MICALL1: variants seen among roughly 807,000 people sequenced by gnomAD.
MICALL1 encodes MICAL like 1.
A neutral mutation model predicts 83.7 loss-of-function variants in MICALL1; 61 were observed. That is an observed-to-expected ratio of 0.73 (90% CI 0.59 to 0.90). The LOEUF (loss-of-function observed/expected upper bound fraction) is 0.90, where lower values mean the gene tolerates loss of function less well. MICALL1 is among the 40% of genes least tolerant of loss of function. The probability of loss-of-function intolerance (pLI) is 0.00; values close to 1 mark genes in which losing one functional copy is unlikely to be tolerated. For synonymous variants in MICALL1, 481 were observed against 473.6 expected, an observed-to-expected ratio of 1.02 and a Z score of -0.20; for missense variants, 1,066 against 1,152.0, an observed-to-expected ratio of 0.93 and a Z score of 1.08.
chr22:37,913,120 A>G (rs1192058648), intron 3 of MICALL1, among the ~76,000 whole-genome samples: 3 of 150,082 alleles, frequency 2.0e-5, no homozygotes, highest in Non-Finnish European at 4.4e-5. Context: ...CCACCACTAC[A>G]CCTGGCTAAT....
At chr22:37,928,529 C>T (rs1929617553) in intron 9 of MICALL1, among the ~76,000 whole-genome samples, 2 of 152,228 alleles carry the variant, frequency 1.3e-5, no homozygotes, top group East Asian at 1.9e-4. Context: ...TCTATCTTTA[C>T]TGGCCTCTGA....
chr22:37,910,978 G>T (rs1006280972), intron 1 of MICALL1, among the ~76,000 whole-genome samples: 2 of 152,236 alleles, frequency 1.3e-5, no homozygotes, highest in African/African-American at 4.8e-5. Flanking sequence ...AGTCAGGGCT[G>T]CAGTTTTCAG....
intron 6 of MICALL1, among the ~76,000 whole-genome samples, chr22:37,923,579 GC>G (rs1162666487): frequency 6.6e-6 from 1 of 152,210 alleles, no homozygotes; most frequent in Admixed American, 6.5e-5. Context: ...TGCAGCCTCT[GC>G]CGTGCTCTGT....
Position 37,936,072 on chromosome 22 carries a change from T to C in MICALL1, c.2309-1008T>C, listed in dbSNP as rs1002611650. Among the ~76,000 whole-genome samples, 3 of 152,140 alleles carry C rather than the reference T, an allele frequency of 2.0e-5. No homozygotes were observed. In the South Asian group the frequency reaches 6.2e-4, roughly 32 times the overall value. Reference sequence around the variant, plus strand: ...CCAGGGAAGCCTGTGGCGGTAGATGTTGTGGAGGGAAGGCCAAGTGTGGGC... The same window carrying C: ...CCAGGGAAGCCTGTGGCGGTAGATGCTGTGGAGGGAAGGCCAAGTGTGGGC... On this transcript the variant is annotated intron_variant, in intron 13 of 15. Coordinates refer to ENST00000215957, the MANE Select transcript of MICALL1 (RefSeq NM_033386.4).
chr22:37,927,061 C>G (rs1204174751), intron 8 of MICALL1: 7 of 318,114 alleles, frequency 2.2e-5, no homozygotes, highest in Non-Finnish European at 4.1e-5. Context: ...TGCTCCTCCC[C>G]TCTGCCTCCG....
intron 1 of MICALL1, among the ~76,000 whole-genome samples, chr22:37,907,886 G>C (rs1305573478): frequency 6.6e-6 from 1 of 152,228 alleles, no homozygotes; most frequent in African/African-American, 2.4e-5. Flanking sequence ...TTGATGCCTG[G>C]TTGCCCAGGA....
chr22:37,940,493 T>A (rs1052027374), intron 15 of MICALL1, among the ~76,000 whole-genome samples: 1 of 151,856 alleles, frequency 6.6e-6, no homozygotes. Context: ...CCCCAAACAC[T>A]GGAGGTGGGG....
rs1242888003 is a variant in MICALL1, at chr22:37,932,074, G to A, written c.2016+141G>A. ...GATGCTCAAGAGAGCACTCTTGGCG[G>A]CCCAACTGGAAGGTCTAGCTTGCAG... On this transcript the variant is annotated intron_variant, in intron 10 of 15. Transcript: ENST00000215957. The surrounding 1 kb of genome is among the most constrained non-coding windows in gnomAD (Gnocchi z 4.4). 1.2e-5 allele frequency: 15 copies of A among 1,284,194 alleles called. No homozygotes were observed. The highest frequency in any genetic ancestry group is 1.5e-5 in the African/African-American group (1 of 66,778). 79.5% of individuals were successfully genotyped at this position (1,284,194 alleles called of 1,614,324 possible).
At chr22:37,919,714 A>G (rs1048109994) in intron 5 of MICALL1, among the ~76,000 whole-genome samples, 59 of 150,192 alleles carry the variant, frequency 3.9e-4, no homozygotes, top group Non-Finnish European at 1.6e-4. Flanking sequence ...TTGGCCGGGT[A>G]TGGTGGCTCA....
At chr22:37,940,379 C>T (rs917728733) in intron 15 of MICALL1, among the ~76,000 whole-genome samples, 8 of 151,910 alleles carry the variant, frequency 5.3e-5, no homozygotes, top group South Asian at 2.1e-4. Flanking sequence ...GCCAAGATCG[C>T]GTCATTGCAC....
At chr22:37,912,238 C>A in intron 2 of MICALL1, 113 bp from the exon 3 acceptor site, 1 of 1,342,430 alleles carries the variant, frequency 7.4e-7, no homozygotes, top group Non-Finnish European at 1.0e-6. Context: ...GGGGAGCCCA[C>A]AGTCACCCCA....
intron 15 of MICALL1, among the ~76,000 whole-genome samples, chr22:37,939,557 C>T (rs780774629): frequency 2.0e-5 from 3 of 151,520 alleles, no homozygotes; most frequent in East Asian, 2.0e-4. Context: ...CGGCAGATCA[C>T]GAGGTCAGGT....
chr22:37,912,657 GA>G (rs946422544), intron 3 of MICALL1, among the ~76,000 whole-genome samples, 165 bp downstream of exon 3: 4 of 147,654 alleles, frequency 2.7e-5, no homozygotes, highest in African/African-American at 1.0e-4. Flanking sequence ...TTTTTTTTTT[GA>G]GACAGAGTTT....
intron 5 of MICALL1, among the ~76,000 whole-genome samples, chr22:37,921,378 G>A (rs1929019921): frequency 6.6e-6 from 1 of 152,054 alleles, no homozygotes; most frequent in South Asian, 2.1e-4. Flanking sequence ...GACCAGCCTG[G>A]CCGACTTGGT....
At chr22:37,931,691 C>A in intron 9 of MICALL1, 108 bp from the exon 10 acceptor site, 1 of 1,347,082 alleles carries the variant, frequency 7.4e-7, no homozygotes, top group Non-Finnish European at 1.0e-6. Flanking sequence ...CTGGGTCCTG[C>A]TGGCCCTGGA....
intron 1 of MICALL1, among the ~76,000 whole-genome samples, chr22:37,911,348 C>T (rs899521604): frequency 4.6e-5 from 7 of 152,270 alleles, no homozygotes; most frequent in South Asian, 2.1e-4. Flanking sequence ...CAGGCTGGAC[C>T]GGGTTGGGAT....
At chr22:37,939,330 T>G (rs1370868164) in intron 15 of MICALL1, among the ~76,000 whole-genome samples, 1 of 152,182 alleles carries the variant, frequency 6.6e-6, no homozygotes, top group African/African-American at 2.4e-5. Flanking sequence ...AAGGGCTCAG[T>G]TGGTATTAGT....
Position 37,906,655 on chromosome 22 carries a change from C to T in MICALL1, c.146+87C>T, listed in dbSNP as rs1259121317. ...CCCCCTCAGTAACACGAAGCCCGGG[C>T]GGTGACAGGCGCCGCCCCCGGACAC... On this transcript the variant is annotated intron_variant, in intron 1 of 15. Coordinates refer to ENST00000215957, the MANE Select transcript of MICALL1 (RefSeq NM_033386.4). The surrounding 1 kb of genome is among the most constrained non-coding windows in gnomAD (Gnocchi z 4.4). The T allele has an allele frequency of 3.6e-6, 4 of 1,096,862 alleles. No individual in the cohort carries two copies. The highest frequency in any genetic ancestry group is 5.0e-5 in the Admixed American group (1 of 20,016). The allele number at this position is 1,096,862 out of a possible 1,614,324, so 67.9% of individuals were successfully genotyped here. A position where few individuals can be genotyped will look rare whatever the true frequency, so the allele number is the denominator to read the frequency against.
At chr22:37,915,609 A>G (rs1230137508) in intron 3 of MICALL1, among the ~76,000 whole-genome samples, 1 of 151,406 alleles carries the variant, frequency 6.6e-6, no homozygotes, top group Non-Finnish European at 1.5e-5. Context: ...GAGGAAATGT[A>G]TAAACCAGTG....
Sources: gnomAD v4.1 joint callset for allele counts (sites outside exome capture counted in the v4.1 genomes callset) on GRCh38, gnomAD v4.1.1 for gene constraint, Gnocchi (gnomAD v3.1) non-coding constraint, MANE v1.5 for transcripts, NCBI Gene and HGNC (gene_info 2026-07-23, HGNC 2026-07-21) for gene names.